ZNF804B: variants seen among roughly 807,000 people sequenced by gnomAD.
ZNF804B encodes the protein zinc finger 804B.
Under a neutral mutation model 101.4 loss-of-function variants are expected in ZNF804B, and 80 were observed. That is an observed-to-expected ratio of 0.79 (90% confidence interval 0.66 to 0.95). ZNF804B has a LOEUF of 0.95. Ranked by LOEUF, ZNF804B falls within the 40% of genes least tolerant of loss-of-function variation. The pLI is 0.00. For synonymous variants in ZNF804B, 622 were observed against 558.8 expected, an observed-to-expected ratio of 1.11 and a Z score of -1.59; for missense variants, 1,673 against 1,561.9, an observed-to-expected ratio of 1.07 and a Z score of -1.20.
intron 2 of ZNF804B, among the ~76,000 whole-genome samples, chr7:89,290,471 A>G (rs1270079585): frequency 6.6e-6 from 1 of 152,168 alleles, no homozygotes; most frequent in East Asian, 1.9e-4. Flanking sequence ...TCCTGGAGCC[A>G]GAGAGCAGCC....
chr7:89,031,652 C>T (rs1330844983), intron 1 of ZNF804B, among the ~76,000 whole-genome samples: 1 of 146,196 alleles, frequency 6.8e-6, no homozygotes, highest in Non-Finnish European at 1.5e-5. Context: ...CTTTAGGCTT[C>T]TGGTTTTTGT....
chr7:89,170,267 A>G (rs1036920950), intron 1 of ZNF804B, among the ~76,000 whole-genome samples: 2 of 152,238 alleles, frequency 1.3e-5, no homozygotes, highest in African/African-American at 4.8e-5. Context: ...TATCTCATTT[A>G]GGCCACAGTG....
intron 1 of ZNF804B, among the ~76,000 whole-genome samples, chr7:89,216,511 T>C (rs1788899586): frequency 6.6e-6 from 1 of 152,222 alleles, no homozygotes. Flanking sequence ...TTCTCATTAC[T>C]GGCTACAGCC....
intron 1 of ZNF804B, among the ~76,000 whole-genome samples, chr7:88,895,144 TGTCAAGAGTAAA>T (rs1433565106): frequency 6.6e-6 from 1 of 152,204 alleles, no homozygotes; most frequent in Non-Finnish European, 1.5e-5. Context: ...GAAGGGAGAT[TGTCAAGAGTAAA>T]GCCAAAAGAA....
intron 1 of ZNF804B, among the ~76,000 whole-genome samples, chr7:88,767,961 G>T (rs541794238): frequency 1.3e-5 from 2 of 152,186 alleles, no homozygotes; most frequent in African/African-American, 4.8e-5. Flanking sequence ...CAGGTCAAGT[G>T]CATCTCTTAT....
intron 1 of ZNF804B, among the ~76,000 whole-genome samples, chr7:88,966,963 C>CT (rs201888421): frequency 0.085 from 11,993 of 141,608 alleles, 527 homozygotes; most frequent in East Asian, 0.19. Flanking sequence ...GAATTCTGGA[C>CT]TTTTTTTTTT....
chr7:89,221,568 G>C (rs938094811), intron 2 of ZNF804B, among the ~76,000 whole-genome samples: 1 of 151,856 alleles, frequency 6.6e-6, no homozygotes, highest in Non-Finnish European at 1.5e-5. Context: ...TCCATATCAG[G>C]TCTGCATGCC....
chr7:88,882,429 G>C (rs556945232), intron 1 of ZNF804B, among the ~76,000 whole-genome samples: 5 of 152,280 alleles, frequency 3.3e-5, no homozygotes, highest in African/African-American at 9.6e-5. Context: ...TGGTGGGAAT[G>C]TAAATTAGTT....
intron 1 of ZNF804B, among the ~76,000 whole-genome samples, chr7:88,990,943 G>T (rs113258303): frequency 3.3e-5 from 5 of 151,820 alleles, no homozygotes; most frequent in African/African-American, 1.2e-4. Flanking sequence ...TTGTTCTTTG[G>T]TCATAGGTAG....
intron 1 of ZNF804B, among the ~76,000 whole-genome samples, chr7:88,970,349 C>A (rs942223127): frequency 1.4e-5 from 2 of 145,364 alleles, no homozygotes; most frequent in African/African-American, 2.5e-5. Flanking sequence ...CTGATGCCCC[C>A]CCCCCACCCC....
At chr7:88,846,498 G>A (rs948332735) in intron 1 of ZNF804B, among the ~76,000 whole-genome samples, 57 of 152,194 alleles carry the variant, frequency 3.7e-4, no homozygotes, top group African/African-American at 1.4e-3. Context: ...GTCAGAGTGT[G>A]TAAGTAGACA....
chr7:89,063,763 GTTCA>G (rs997590336), intron 1 of ZNF804B, among the ~76,000 whole-genome samples: 6 of 152,098 alleles, frequency 3.9e-5, no homozygotes, highest in African/African-American at 1.2e-4. Flanking sequence ...CCATTCATTT[GTTCA>G]TTCATTCAGT....
chr7:89,166,952 T>C (rs1791153344), intron 1 of ZNF804B, among the ~76,000 whole-genome samples: 1 of 152,188 alleles, frequency 6.6e-6, no homozygotes. Context: ...GACTGAATGG[T>C]ACCAGGTAGG....
chr7:89,105,985 A>G (rs1257747914), intron 1 of ZNF804B, among the ~76,000 whole-genome samples: 6 of 152,182 alleles, frequency 3.9e-5, no homozygotes, highest in Non-Finnish European at 7.4e-5. Context: ...GTGGTCTGCA[A>G]GAAGAGTCAT....
At chr7:89,208,160 C>T (rs1788743591) in intron 1 of ZNF804B, among the ~76,000 whole-genome samples, 1 of 150,652 alleles carries the variant, frequency 6.6e-6, no homozygotes, top group African/African-American at 2.4e-5. Context: ...CGGCTCACTG[C>T]AAGCTCTGCC....
chr7:89,328,976 T>C (rs535306628), intron 3 of ZNF804B, among the ~76,000 whole-genome samples: 2 of 151,870 alleles, frequency 1.3e-5, no homozygotes, highest in East Asian at 3.9e-4. Context: ...ATGATGCTGA[T>C]GATGATAATG....
At chr7:88,949,795 A>G (rs1040776557) in intron 1 of ZNF804B, among the ~76,000 whole-genome samples, 2 of 151,964 alleles carry the variant, frequency 1.3e-5, no homozygotes, top group African/African-American at 4.8e-5. Flanking sequence ...ATGTTTAGAT[A>G]CATAAATATT....
intron 1 of ZNF804B, among the ~76,000 whole-genome samples, chr7:89,120,268 A>G (rs964542518): frequency 2.0e-5 from 3 of 152,148 alleles, no homozygotes; most frequent in African/African-American, 7.2e-5. Flanking sequence ...AGCCTGGGCA[A>G]CCGAGCAAGA....
intron 1 of ZNF804B, among the ~76,000 whole-genome samples, chr7:88,941,507 T>A (rs569107456): frequency 8.6e-5 from 13 of 152,024 alleles, no homozygotes; most frequent in African/African-American, 3.1e-4. Context: ...AGAAGCCAAT[T>A]TGAAAAGACA....
Sources: allele counts gnomAD v4.1 joint callset (sites outside exome capture counted in the v4.1 genomes callset), GRCh38; gene constraint gnomAD v4.1.1; transcripts MANE v1.5; gene names NCBI Gene and HGNC (gene_info 2026-07-23, HGNC 2026-07-21).